The following ZC2HC1B variants were observed in gnomAD, a reference collection of about 807,000 sequenced individuals.
ZC2HC1B encodes the protein zinc finger C2HC domain-containing protein 1B.
ZC2HC1B carries 36 observed loss-of-function variants against 31.0 expected under a neutral mutation model. That is an observed-to-expected ratio of 1.16 (90% confidence interval 0.89 to 1.54). The LOEUF is 1.54. Ranked by LOEUF, ZC2HC1B falls within the 40% of genes most tolerant of loss-of-function variation. The probability of loss-of-function intolerance (pLI) is 0.00; values close to 1 mark genes in which losing one functional copy is unlikely to be tolerated. For synonymous variants in ZC2HC1B, 73 were observed against 88.0 expected (o/e 0.83, Z 0.95); for missense variants, 260 against 268.6 (o/e 0.97, Z 0.22).
At chr6:143,904,437 C>G (rs1777771087) in intron 6 of ZC2HC1B, among the ~76,000 whole-genome samples, 1 of 152,192 alleles carries the variant, frequency 6.6e-6, no homozygotes, top group Non-Finnish European at 1.5e-5. Flanking sequence ...TCATAGCTCA[C>G]TGCAGCTTCA....
intron 1 of ZC2HC1B, 118 bp downstream of exon 1, chr6:143,864,685 T>G: frequency 8.8e-7 from 1 of 1,134,472 alleles, no homozygotes; most frequent in Non-Finnish European, 1.3e-6. Context: ...TCCGTTTAAA[T>G]CTAAGTATTG....
chr6:143,903,052 T>C lies in ZC2HC1B; in HGVS notation c.498T>C (p.Ala166=). The C allele has an allele frequency of 6.4e-7, 1 of 1,551,808 alleles. No individual in the cohort carries two copies. The highest frequency in any genetic ancestry group is 8.7e-7 in the Non-Finnish European group (1 of 1,146,980). Residue 166 remains alanine, a synonymous_variant, in exon 6 of 8, where the codon GCT becomes GCC. Transcript: ENST00000237275. This position sits in a 1 kb window ranked among gnomAD's most constrained non-coding sequence, Gnocchi z 4.3. The part of the protein sequence containing the change: ...AKLASRAQGR[A]QMGPKKEPTV... ...TCTTTCTCTCTCTGTAGGGTAGGGC[T>C]CAGATGGGTCCAAAAAAAGAACCAA...
rs943049455 is a variant in ZC2HC1B at position 143,869,161 on chromosome 6, T to A, written c.28+4594T>A. 6.6e-6 allele frequency among the ~76,000 whole-genome samples: 1 copy of A among 152,232 alleles called. No homozygotes were observed. The highest frequency in any genetic ancestry group is 1.5e-5 in the Non-Finnish European group (1 of 68,036). Reference sequence around the variant, plus strand: ...GAAGGGTCTGGGCCATTTGTAGTCCTGCCTGGATTAGGCTGTTGTAGTTTC... The same window carrying A: ...GAAGGGTCTGGGCCATTTGTAGTCCAGCCTGGATTAGGCTGTTGTAGTTTC... On this transcript the variant is annotated intron_variant, in intron 1 of 7. Transcript: ENST00000237275. The surrounding 1 kb of genome is among the most constrained non-coding windows in gnomAD (Gnocchi z 5.2).
intron 6 of ZC2HC1B, among the ~76,000 whole-genome samples, chr6:143,907,498 T>C (rs550456940): frequency 3.3e-5 from 5 of 152,342 alleles, no homozygotes; most frequent in African/African-American, 1.2e-4. Flanking sequence ...TGGTATCTCA[T>C]TGTGGTTTTG....
In ZC2HC1B at chr6:143,883,552, C is replaced by T. The variant is rs929709688; in HGVS notation, c.29-752C>T. On this transcript the variant is annotated intron_variant, in intron 1 of 7. Coordinates refer to ENST00000237275, the MANE Select transcript of ZC2HC1B (RefSeq NM_001013623.3). The surrounding 1 kb of genome is among the most constrained non-coding windows in gnomAD (Gnocchi z 4.1). ...ACCTCAAACTGCTTTTTTTATTAAC[C>T]TAAGACATCATAGCTTTGATAGAAG... 2.0e-5 allele frequency among the ~76,000 whole-genome samples: 3 copies of T among 152,138 alleles called. No homozygotes were observed. Among genetic ancestry groups the T allele is most frequent in the Admixed American group, 6.5e-5 (1 of 15,276 alleles).
chr6:143,900,864 A>T (rs150470634), intron 5 of ZC2HC1B, among the ~76,000 whole-genome samples: 3,616 of 152,242 alleles, frequency 0.024, 151 homozygotes, highest in African/African-American at 0.082. Context: ...TTTGAGATGG[A>T]GTCTCACTCT....
chr6:143,937,450 A>C (rs1252451464), intron 6 of ZC2HC1B, among the ~76,000 whole-genome samples, 199 bp from the exon 7 acceptor site: 1 of 152,120 alleles, frequency 6.6e-6, no homozygotes, highest in Non-Finnish European at 1.5e-5. Context: ...CACCTGAGGT[A>C]GCCCCTGTTT....
intron 6 of ZC2HC1B, among the ~76,000 whole-genome samples, chr6:143,920,599 A>C (rs1015123427): frequency 6.6e-6 from 1 of 152,176 alleles, no homozygotes; most frequent in African/African-American, 2.4e-5. Flanking sequence ...GTCACTAAGT[A>C]AAAGGCAAAG....
At chr6:143,882,333 TTTATATA>T (rs1395815842) in intron 1 of ZC2HC1B, among the ~76,000 whole-genome samples, 1 of 100,076 alleles carries the variant, frequency 1.0e-5, no homozygotes, top group East Asian at 2.8e-4. Flanking sequence ...TTTTATATTT[TTTATATA>T]TATATATATA....
rs546775883 is a variant in ZC2HC1B at position 143,896,682 on chromosome 6, C to T, written c.350-1870C>T. On this transcript the variant is annotated intron_variant, in intron 4 of 7. Transcript: ENST00000237275. ...TTCATAGTTAACTTTCACAACAACCCGATGAAACAGGTGATATGTAGGTGC... is the reference window on the plus strand; with the variant it reads ...TTCATAGTTAACTTTCACAACAACCTGATGAAACAGGTGATATGTAGGTGC... 4.7e-4 allele frequency among the ~76,000 whole-genome samples: 72 copies of T among 152,174 alleles called. 1 individual carries two copies. The highest frequency in any genetic ancestry group is 1.7e-3 in the African/African-American group (69 of 41,500).
intron 4 of ZC2HC1B, among the ~76,000 whole-genome samples, chr6:143,894,718 A>G (rs751684789): frequency 2.7e-4 from 41 of 152,340 alleles, no homozygotes; most frequent in Non-Finnish European, 3.2e-4. Context: ...AACAAGTTTC[A>G]TATAACAAAA....
chr6:143,904,012 G>T (rs1277984735), intron 6 of ZC2HC1B, among the ~76,000 whole-genome samples: 1 of 152,142 alleles, frequency 6.6e-6, no homozygotes, highest in Non-Finnish European at 1.5e-5. Flanking sequence ...TAGCAACAAG[G>T]CAGAACCATA....
chr6:143,936,756 C>T (rs186005353), intron 6 of ZC2HC1B, among the ~76,000 whole-genome samples: 1 of 152,358 alleles, frequency 6.6e-6, no homozygotes, highest in East Asian at 1.9e-4. Context: ...GTGGGCTCTA[C>T]TTTACTTCTG....
intron 1 of ZC2HC1B, among the ~76,000 whole-genome samples, chr6:143,873,546 A>G (rs1582950491): frequency 6.6e-6 from 1 of 152,356 alleles, no homozygotes; most frequent in African/African-American, 2.4e-5. Context: ...CCCCTGCAGC[A>G]AACTTTTGCC....
chr6:143,881,644 G>GAAAGGCAT (rs1777469726), intron 1 of ZC2HC1B: 2 of 149,340 alleles, frequency 1.3e-5, no homozygotes, highest in African/African-American at 5.0e-5. Context: ...TTGTTTAACC[G>GAAAGGCAT]TTCACCTACT....
intron 6 of ZC2HC1B, among the ~76,000 whole-genome samples, chr6:143,919,379 C>T (rs891025859): frequency 7.0e-6 from 1 of 143,298 alleles, no homozygotes; most frequent in Non-Finnish European, 1.5e-5. Flanking sequence ...CTAATTTCCT[C>T]ATATATGTAG....
chr6:143,905,815 A>C lies in ZC2HC1B; in HGVS notation c.598+2663A>C, dbSNP rs1459407131. Among the ~76,000 whole-genome samples the C allele has an allele frequency of 6.6e-6, 1 of 152,102 alleles. No homozygotes were observed. Among genetic ancestry groups the C allele is most frequent in the Non-Finnish European group, 1.5e-5 (1 of 68,010 alleles). On this transcript the variant is annotated intron_variant, in intron 6 of 7. Coordinates refer to ENST00000237275, the MANE Select transcript of ZC2HC1B (RefSeq NM_001013623.3). This position sits in a 1 kb window ranked among gnomAD's most constrained non-coding sequence, Gnocchi z 4.2. ...TTTTTTTGCATCAATTGAGATGATGATGTAATTTTTGTCCTTTATTCTGTA... is the reference window on the plus strand; with the variant it reads ...TTTTTTTGCATCAATTGAGATGATGCTGTAATTTTTGTCCTTTATTCTGTA...
At position 143,871,267 on chromosome 6, in the gene ZC2HC1B, A is replaced by G. The variant is rs1777332225; in HGVS notation, c.28+6700A>G. Among the ~76,000 whole-genome samples the G allele has an allele frequency of 6.6e-6, 1 of 152,154 alleles. No individual in the cohort carries two copies. The highest frequency in any genetic ancestry group is 1.5e-5 in the Non-Finnish European group (1 of 68,020). On this transcript the variant is annotated intron_variant, in intron 1 of 7. Coordinates refer to ENST00000237275, the MANE Select transcript of ZC2HC1B (RefSeq NM_001013623.3). This position sits in a 1 kb window ranked among gnomAD's most constrained non-coding sequence, Gnocchi z 4.1. Reference sequence around the variant, plus strand: ...CAGCATAATGTCATCAATGTAATGGACCAGTGTGATACCTTGTGGAAGCAA... The same window carrying G: ...CAGCATAATGTCATCAATGTAATGGGCCAGTGTGATACCTTGTGGAAGCAA...
Position 143,933,974 on chromosome 6 carries a change from T to G in ZC2HC1B, c.599-3675T>G, listed in dbSNP as rs1778150370. ...GCCAGTTGCCTTCCCCGAGGGCTCT[T>G]GTGAGATAGAGTCAGGGATGGCTTC... On this transcript the variant is annotated intron_variant, in intron 6 of 7. Transcript: ENST00000237275. The surrounding 1 kb of genome is among the most constrained non-coding windows in gnomAD (Gnocchi z 6.4). 6.6e-6 allele frequency among the ~76,000 whole-genome samples: 1 copy of G among 152,214 alleles called. No individual in the cohort carries two copies. The highest frequency in any genetic ancestry group is 1.5e-5 in the Non-Finnish European group (1 of 68,034).
Sources: allele counts gnomAD v4.1 joint callset (sites outside exome capture counted in the v4.1 genomes callset), GRCh38; gene constraint gnomAD v4.1.1; non-coding constraint Gnocchi (gnomAD v3.1); transcripts MANE v1.5; gene names NCBI Gene and HGNC (gene_info 2026-07-23, HGNC 2026-07-21).